Variants in RRAS2 observed in about 807,000 individuals in gnomAD.
RRAS2 encodes RAS related 2, also known as ras-related protein R-Ras2.
Under a neutral mutation model 27.6 loss-of-function variants are expected in RRAS2, and 7 were observed. The ratio of observed to expected loss-of-function variants is 0.25; its 90% CI spans 0.14 to 0.48. RRAS2 has a LOEUF of 0.48. Among genes scored for constraint, RRAS2 ranks in the 20% least tolerant of loss-of-function variants. The probability of loss-of-function intolerance (pLI) is 0.99; values close to 1 mark genes in which losing one functional copy is unlikely to be tolerated. For missense variants in RRAS2, 178 were observed against 256.2 expected (o/e 0.69, Z 2.08); for synonymous variants, 86 against 90.9 (o/e 0.95, Z 0.31).
At chr11:14,324,927 A>G (rs1159685058) in intron 1 of RRAS2, among the ~76,000 whole-genome samples, 1 of 152,228 alleles carries the variant, frequency 6.6e-6, no homozygotes, top group African/African-American at 2.4e-5. Flanking sequence ...TGCTGGGATA[A>G]CTAGTTTATG....
intron 1 of RRAS2, among the ~76,000 whole-genome samples, chr11:14,296,982 T>C (rs1053880853): frequency 6.6e-6 from 1 of 152,054 alleles, no homozygotes. Context: ...TGAGCCATGA[T>C]CATACCACTC....
intron 4 of RRAS2, among the ~76,000 whole-genome samples, chr11:14,282,578 T>G (rs968353757): frequency 6.6e-6 from 1 of 152,258 alleles, no homozygotes; most frequent in East Asian, 1.9e-4. Context: ...CTTAAAATTA[T>G]ATTTCTGAAA....
intron 1 of RRAS2, among the ~76,000 whole-genome samples, chr11:14,330,008 G>A (rs1240402366): frequency 1.3e-5 from 2 of 152,140 alleles, no homozygotes; most frequent in African/African-American, 2.4e-5. Context: ...CCAAGAGTTC[G>A]AGCCTATAGT....
At chr11:14,308,119 T>C (rs1847875166) in intron 1 of RRAS2, 2 of 272,192 alleles carry the variant, frequency 7.3e-6, no homozygotes, top group African/African-American at 2.3e-5. Context: ...ATCTGCAAGA[T>C]ATGTTGTTAA....
intron 1 of RRAS2, among the ~76,000 whole-genome samples, chr11:14,329,628 ACATAC>A (rs1383853980): frequency 1.3e-5 from 2 of 152,204 alleles, no homozygotes; most frequent in Non-Finnish European, 2.9e-5. Flanking sequence ...AACAGCAAAA[ACATAC>A]CTTTTCTAAT....
At chr11:14,350,343 G>A (rs1848923705) in intron 1 of RRAS2, among the ~76,000 whole-genome samples, 2 of 152,240 alleles carry the variant, frequency 1.3e-5, no homozygotes, top group South Asian at 4.1e-4. Flanking sequence ...ACTGGGGTGT[G>A]AGTGAGCTCT....
intron 4 of RRAS2, among the ~76,000 whole-genome samples, chr11:14,284,327 T>C (rs1478637246): frequency 1.3e-5 from 2 of 152,212 alleles, no homozygotes; most frequent in African/African-American, 4.8e-5. Context: ...TATTTGAAGA[T>C]ATCCTAGATA....
intron 2 of RRAS2, among the ~76,000 whole-genome samples, chr11:14,295,429 A>T (rs1390259647): frequency 6.6e-6 from 1 of 152,236 alleles, no homozygotes; most frequent in African/African-American, 2.4e-5. Context: ...AACTTTTTCT[A>T]TATTCACTTC....
chr11:14,293,532 G>A (rs891927772), intron 4 of RRAS2, among the ~76,000 whole-genome samples: 10 of 151,866 alleles, frequency 6.6e-5, no homozygotes, highest in African/African-American at 2.4e-4. Context: ...GAGGGACCAG[G>A]TGGACATAAT....
chr11:14,354,672 C>CTTTTTTTT (rs35556947), intron 1 of RRAS2, among the ~76,000 whole-genome samples: 2 of 110,442 alleles, frequency 1.8e-5, no homozygotes, highest in African/African-American at 3.5e-5. Flanking sequence ...GTAACAATTT[C>CTTTTTTTT]TTTTTTTTTT....
chr11:14,289,996 G>A (rs1849766273), intron 4 of RRAS2, among the ~76,000 whole-genome samples: 1 of 152,202 alleles, frequency 6.6e-6, no homozygotes, highest in Non-Finnish European at 1.5e-5. Context: ...AGCCAGACTG[G>A]TTACTCAGAA....
intron 1 of RRAS2, among the ~76,000 whole-genome samples, chr11:14,339,535 T>C (rs183729479): frequency 5.3e-4 from 81 of 152,300 alleles, no homozygotes; most frequent in African/African-American, 1.9e-3. Context: ...AACTGAAACT[T>C]AGCACTTCCT....
intron 1 of RRAS2, among the ~76,000 whole-genome samples, chr11:14,348,365 C>T (rs1438974915): frequency 6.6e-6 from 1 of 152,146 alleles, no homozygotes; most frequent in African/African-American, 2.4e-5. Flanking sequence ...ACATCTACTA[C>T]TCTCAAACTT....
chr11:14,329,119 ATT>A, intron 1 of RRAS2, among the ~76,000 whole-genome samples: 1 of 149,418 alleles, frequency 6.7e-6, no homozygotes. Flanking sequence ...ATATATATAT[ATT>A]TTTTTTGAGA....
At chr11:14,337,542 A>G (rs1346324177) in intron 1 of RRAS2, among the ~76,000 whole-genome samples, 15 of 152,212 alleles carry the variant, frequency 9.9e-5, no homozygotes, top group African/African-American at 1.2e-4. Flanking sequence ...ACAAAAAGAT[A>G]TTTTGAGAAA....
chr11:14,280,220 A>T (rs1849485595), intron 5 of RRAS2, among the ~76,000 whole-genome samples: 1 of 152,132 alleles, frequency 6.6e-6, no homozygotes, highest in Non-Finnish European at 1.5e-5. Flanking sequence ...GATGTTGTGC[A>T]ACCATCATCG....
intron 1 of RRAS2, among the ~76,000 whole-genome samples, chr11:14,310,355 C>A (rs1847932413): frequency 6.6e-6 from 1 of 152,130 alleles, no homozygotes; most frequent in Admixed American, 6.5e-5. Flanking sequence ...ATGGTATTGT[C>A]ACAAGACGAA....
chr11:14,359,727 T>C (rs1048339469), upstream of RRAS2, among the ~76,000 whole-genome samples: 4 of 152,168 alleles, frequency 2.6e-5, no homozygotes, highest in Non-Finnish European at 5.9e-5. Context: ...TACAGTGTCA[T>C]AGTGGCTATG....
intron 1 of RRAS2, among the ~76,000 whole-genome samples, chr11:14,322,543 T>C (rs1400292631): frequency 6.6e-6 from 1 of 152,238 alleles, no homozygotes; most frequent in African/African-American, 2.4e-5. Flanking sequence ...TGATGTTTAA[T>C]TTCTTTCTTC....
Sources: gnomAD v4.1 joint callset for allele counts (sites outside exome capture counted in the v4.1 genomes callset) on GRCh38, gnomAD v4.1.1 for gene constraint, MANE v1.5 for transcripts, NCBI Gene and HGNC (gene_info 2026-07-23, HGNC 2026-07-21) for gene names.